B4GALT6: variants seen among roughly 807,000 people sequenced by gnomAD.
B4GALT6 encodes beta-1,4-galactosyltransferase 6, also known as UDP-Gal:beta-GlcNAc beta-1,4-galactosyltransferase 6.
In B4GALT6, 14 loss-of-function variants were observed where a neutral mutation model predicts 46.3. That is an observed-to-expected ratio of 0.30 (90% CI 0.20 to 0.47). The LOEUF (loss-of-function observed/expected upper bound fraction) is 0.47. Ranked by LOEUF, B4GALT6 falls within the 20% of genes least tolerant of loss-of-function variation. The probability of loss-of-function intolerance (pLI) is 0.99; values close to 1 mark genes in which losing one functional copy is unlikely to be tolerated. For synonymous variants in B4GALT6, 168 were observed against 162.0 expected (o/e 1.04, Z -0.28); for missense variants, 386 against 480.1 (o/e 0.80, Z 1.83).
At chr18:31,653,121 G>A (rs2074095134) in intron 3 of B4GALT6, among the ~76,000 whole-genome samples, 1 of 151,586 alleles carries the variant, frequency 6.6e-6, no homozygotes, top group Non-Finnish European at 1.5e-5. Context: ...TAAGCTCACA[G>A]GCTCTTCTCC....
chr18:31,677,464 A>G (rs1363783888), intron 1 of B4GALT6, among the ~76,000 whole-genome samples: 6 of 152,226 alleles, frequency 3.9e-5, no homozygotes, highest in Non-Finnish European at 7.3e-5. Flanking sequence ...GTGCCACCTG[A>G]AAGTTTCCAG....
the B4GALT6 span, among the ~76,000 whole-genome samples, chr18:31,692,436 A>C: frequency 3.3e-5 from 5 of 152,148 alleles, no homozygotes; most frequent in African/African-American, 1.2e-4. Flanking sequence ...TTTGGTTTTG[A>C]TTTGCACCTT....
chr18:31,638,229 T>TATAA (rs1415058450), intron 5 of B4GALT6, among the ~76,000 whole-genome samples: 1 of 151,974 alleles, frequency 6.6e-6, no homozygotes, highest in Non-Finnish European at 1.5e-5. Flanking sequence ...TTCACCCAAG[T>TATAA]ATAAAACTAA....
At chr18:31,714,202 G>A in the B4GALT6 span, among the ~76,000 whole-genome samples, 2 of 152,208 alleles carry the variant, frequency 1.3e-5, no homozygotes, top group African/African-American at 4.8e-5. Flanking sequence ...GTGTTCAGTA[G>A]TCACACGTGA....
At chr18:31,627,370 T>C (rs779015928) in intron 6 of B4GALT6, among the ~76,000 whole-genome samples, 8 of 152,028 alleles carry the variant, frequency 5.3e-5, no homozygotes, top group Non-Finnish European at 1.2e-4. Flanking sequence ...AGTATACAAA[T>C]AAGACTCAAA....
At chr18:31,701,376 A>G in the B4GALT6 span, among the ~76,000 whole-genome samples, 1 of 152,188 alleles carries the variant, frequency 6.6e-6, no homozygotes, top group Non-Finnish European at 1.5e-5. Context: ...AGGCCTCCCT[A>G]GAAACAGAAG....
intron 1 of B4GALT6, among the ~76,000 whole-genome samples, chr18:31,671,360 C>T (rs9958861): frequency 0.024 from 3,667 of 152,284 alleles, 152 homozygotes; most frequent in African/African-American, 0.084. Context: ...TACCCTCCCA[C>T]CAACAGTGTA....
chr18:31,680,166 G>C (rs2144744353), intron 1 of B4GALT6, among the ~76,000 whole-genome samples: 1 of 152,256 alleles, frequency 6.6e-6, no homozygotes, highest in Middle Eastern at 3.4e-3. Context: ...ATGCAGATCA[G>C]AGCACTGGGT....
intron 4 of B4GALT6, among the ~76,000 whole-genome samples, chr18:31,639,813 T>C (rs144724383): frequency 1.9e-3 from 290 of 152,264 alleles, no homozygotes; most frequent in African/African-American, 6.6e-3. Flanking sequence ...AAAAACACCA[T>C]TTATATAAAA....
intron 2 of B4GALT6, among the ~76,000 whole-genome samples, chr18:31,663,163 A>C (rs990124018): frequency 2.6e-5 from 4 of 152,226 alleles, no homozygotes; most frequent in Non-Finnish European, 2.9e-5. Context: ...TTATCACTTA[A>C]AGGAAAAGGA....
At chr18:31,705,280 G>A in the B4GALT6 span, among the ~76,000 whole-genome samples, 1 of 152,170 alleles carries the variant, frequency 6.6e-6, no homozygotes, top group Non-Finnish European at 1.5e-5. Flanking sequence ...TTGAATATAA[G>A]GCAAGGAGAG....
chr18:31,634,282 A>C (rs1301507512), intron 5 of B4GALT6, among the ~76,000 whole-genome samples: 2 of 152,232 alleles, frequency 1.3e-5, no homozygotes, highest in South Asian at 2.1e-4. Flanking sequence ...AACTGGAAAA[A>C]GTTTCTACAA....
At chr18:31,634,568 C>T (rs982509478) in intron 5 of B4GALT6, among the ~76,000 whole-genome samples, 2 of 152,174 alleles carry the variant, frequency 1.3e-5, no homozygotes, top group African/African-American at 4.8e-5. Context: ...AAATCTCTCA[C>T]CCACGACTTT....
the B4GALT6 span, among the ~76,000 whole-genome samples, chr18:31,718,067 A>G: frequency 6.6e-6 from 1 of 152,232 alleles, no homozygotes; most frequent in African/African-American, 2.4e-5. Flanking sequence ...TTTTATGATG[A>G]GTTTTAACTA....
chr18:31,657,704 G>T (rs1384441671), intron 3 of B4GALT6, among the ~76,000 whole-genome samples: 2 of 152,146 alleles, frequency 1.3e-5, no homozygotes, highest in Non-Finnish European at 2.9e-5. Context: ...TAGGTAAGCC[G>T]AAGTATTAGT....
intron 1 of B4GALT6, among the ~76,000 whole-genome samples, chr18:31,677,924 G>C (rs2074432853): frequency 6.6e-6 from 1 of 152,136 alleles, no homozygotes; most frequent in African/African-American, 2.4e-5. Flanking sequence ...GGCGACCTAG[G>C]AAACCCAAGC....
the B4GALT6 span, among the ~76,000 whole-genome samples, chr18:31,712,340 T>C: frequency 3.1e-5 from 4 of 130,388 alleles, no homozygotes; most frequent in African/African-American, 1.2e-4. Flanking sequence ...TCTCACTCTG[T>C]CACCCAGGCT....
At chr18:31,694,438 A>C in the B4GALT6 span, among the ~76,000 whole-genome samples, 2 of 152,230 alleles carry the variant, frequency 1.3e-5, no homozygotes. Flanking sequence ...AGCAAGACTG[A>C]ATATCTTTAA....
chr18:31,669,925 G>T (rs1004834702), intron 1 of B4GALT6, among the ~76,000 whole-genome samples: 1 of 152,158 alleles, frequency 6.6e-6, no homozygotes, highest in Admixed American at 6.5e-5. Flanking sequence ...CAAAAAACTT[G>T]TACTTCCAGG....
Sources: gnomAD v4.1 joint callset for allele counts (sites outside exome capture counted in the v4.1 genomes callset) on GRCh38, gnomAD v4.1.1 for gene constraint, MANE v1.5 for transcripts, NCBI Gene and HGNC (gene_info 2026-07-23, HGNC 2026-07-21) for gene names.